Variants in ANKH observed in about 807,000 individuals in gnomAD.
ANKH encodes mineralization regulator ANKH.
Under a neutral mutation model 49.0 loss-of-function variants are expected in ANKH, and 15 were observed. That is an observed-to-expected ratio of 0.31 (90% confidence interval 0.20 to 0.47). The LOEUF (loss-of-function observed/expected upper bound fraction) is 0.47, where lower values mean the gene tolerates loss of function less well. Among genes scored for constraint, ANKH ranks in the 20% least tolerant of loss-of-function variants. The pLI, the probability that ANKH is intolerant of heterozygous loss-of-function variation, is 1.00. For synonymous variants in ANKH, 273 were observed against 260.0 expected (o/e 1.05, Z -0.48); for missense variants, 429 against 652.0 (o/e 0.66, Z 3.72).
chr5:14,828,092 C>G (rs1446296833), intron 1 of ANKH, among the ~76,000 whole-genome samples: 1 of 152,242 alleles, frequency 6.6e-6, no homozygotes, highest in Non-Finnish European at 1.5e-5. Flanking sequence ...GCACTACCAT[C>G]TGCTTTATGC....
Position 14,839,608 on chromosome 5 carries a change from A to G in ANKH, c.96+31744T>C, listed in dbSNP as rs533244143. Among the ~76,000 whole-genome samples the G allele has an allele frequency of 4.7e-4, 71 of 152,224 alleles. 1 individual carries two copies. The highest frequency in any genetic ancestry group is 1.2e-3 in the African/African-American group (49 of 41,526). On this transcript the variant is annotated intron_variant, in intron 1 of 11. Coordinates refer to ENST00000284268, the MANE Select transcript of ANKH (RefSeq NM_054027.6). ...TTTCATGGCTGGCTAGATTTTGATCAGTCTCCAAACTCATGTTACCTTCAG... is the reference window on the plus strand; with the variant it reads ...TTTCATGGCTGGCTAGATTTTGATCGGTCTCCAAACTCATGTTACCTTCAG...
intron 3 of ANKH, among the ~76,000 whole-genome samples, chr5:14,757,438 T>A (rs867049931): frequency 0.018 from 2,209 of 120,170 alleles, 15 homozygotes; most frequent in Non-Finnish European, 0.027. Context: ...ATATTTTTTT[T>A]TTTTTTTTTT....
chr5:14,787,013 G>C (rs1217519061), intron 1 of ANKH, among the ~76,000 whole-genome samples: 1 of 152,208 alleles, frequency 6.6e-6, no homozygotes, highest in Admixed American at 6.5e-5. Flanking sequence ...TACTGAAGTA[G>C]AAAGAGGCCC....
Position 14,713,805 on chromosome 5 carries a change from C to T in ANKH, c.1142-138G>A. The T allele has an allele frequency of 1.6e-6, 2 of 1,250,450 alleles. No homozygotes were observed. The highest frequency in any genetic ancestry group is 2.4e-5 in the East Asian group (1 of 42,280). 77.5% of individuals were successfully genotyped at this position (1,250,450 alleles called of 1,614,324 possible). A position where few individuals can be genotyped will look rare whatever the true frequency, so the allele number is the denominator to read the frequency against. On this transcript the variant is annotated intron_variant, in intron 9 of 11. Coordinates refer to ENST00000284268, the MANE Select transcript of ANKH (RefSeq NM_054027.6). This position sits in a 1 kb window ranked among gnomAD's most constrained non-coding sequence, Gnocchi z 4.4. ...CTTGCTGTTGAGCCGCTGGCCACCT[C>T]ATCTTCCTGCCAGGGTTCCCCATCC... is the stretch of plus-strand genomic sequence containing the variant.
chr5:14,803,364 C>T (rs189043658), intron 1 of ANKH, among the ~76,000 whole-genome samples: 1 of 152,296 alleles, frequency 6.6e-6, no homozygotes, highest in Non-Finnish European at 1.5e-5. Context: ...ACCACAACCT[C>T]CACCTCCTGG....
chr5:14,778,237 C>T (rs1444629112), intron 1 of ANKH, among the ~76,000 whole-genome samples: 3 of 152,200 alleles, frequency 2.0e-5, no homozygotes, highest in Non-Finnish European at 4.4e-5. Flanking sequence ...TGCCTCTCTG[C>T]TCTCCTGTAA....
intron 2 of ANKH, among the ~76,000 whole-genome samples, chr5:14,761,248 G>A (rs149692044): frequency 0.013 from 1,944 of 152,246 alleles, 26 homozygotes; most frequent in African/African-American, 0.038. Context: ...CCATAACTGT[G>A]AAATGCTCAA....
At chr5:14,798,435 A>G in intron 1 of ANKH, 1 of 1,532,662 alleles carries the variant, frequency 6.5e-7, no homozygotes, top group Non-Finnish European at 8.8e-7. Context: ...CCTGGGGTCG[A>G]GCGTTGTGGG....
rs767026934 is a variant in ANKH at position 14,769,195 on chromosome 5, G to A, written c.97-4C>T. 6.2e-7 allele frequency: 1 copy of A among 1,610,296 alleles called. No individual in the cohort carries two copies. The highest frequency in any genetic ancestry group is 1.1e-5 in the South Asian group (1 of 90,516). ...CAGCAATGCCCCGGTTCAAGGCCTG[G>A]GAAGGGGGAAAAAAACCCACAAGCA... On this transcript the variant is annotated splice_region_variant and splice_polypyrimidine_tract_variant and intron_variant, in intron 1 of 11. Transcript: ENST00000284268.
chr5:14,779,484 C>T (rs187569611), intron 1 of ANKH, among the ~76,000 whole-genome samples: 1 of 152,302 alleles, frequency 6.6e-6, no homozygotes, highest in Admixed American at 6.5e-5. Context: ...ACCTGCTTAC[C>T]TGACTGCCCA....
intron 1 of ANKH, among the ~76,000 whole-genome samples, chr5:14,847,838 T>C (rs1742008603): frequency 6.6e-6 from 1 of 152,210 alleles, no homozygotes; most frequent in Non-Finnish European, 1.5e-5. Flanking sequence ...ATTTTAAATT[T>C]GTTTTCAAAG....
intron 8 of ANKH, among the ~76,000 whole-genome samples, chr5:14,726,153 T>A (rs1362212677): frequency 6.6e-6 from 1 of 152,098 alleles, no homozygotes; most frequent in Non-Finnish European, 1.5e-5. Context: ...CACACTGATT[T>A]GATATACTTA....
chr5:14,847,213 A>C (rs1452719035), intron 1 of ANKH, among the ~76,000 whole-genome samples: 1 of 152,158 alleles, frequency 6.6e-6, no homozygotes, highest in Non-Finnish European at 1.5e-5. Flanking sequence ...ATTGGGGAAA[A>C]GAAAGAGAGA....
At chr5:14,854,629 G>A (rs1354130285) in intron 1 of ANKH, among the ~76,000 whole-genome samples, 1 of 152,198 alleles carries the variant, frequency 6.6e-6, no homozygotes, top group Non-Finnish European at 1.5e-5. Flanking sequence ...GCCCAGGAGT[G>A]AGCCATGATG....
chr5:14,748,541 AAG>A (rs1478841509), intron 6 of ANKH, among the ~76,000 whole-genome samples: 1 of 152,250 alleles, frequency 6.6e-6, no homozygotes, highest in Non-Finnish European at 1.5e-5. Flanking sequence ...CCCAACTTGA[AAG>A]AGGGAAAAAT....
intron 1 of ANKH, among the ~76,000 whole-genome samples, chr5:14,837,276 A>G (rs1173390531): frequency 1.3e-5 from 2 of 152,224 alleles, no homozygotes; most frequent in African/African-American, 4.8e-5. Context: ...GACAAATGGG[A>G]TCTAATTAAA....
intron 6 of ANKH, among the ~76,000 whole-genome samples, chr5:14,747,928 T>C (rs571342418): frequency 6.6e-6 from 1 of 152,228 alleles, no homozygotes; most frequent in African/African-American, 2.4e-5. Flanking sequence ...GTAAGAACAA[T>C]AATATCCATC....
intron 1 of ANKH, among the ~76,000 whole-genome samples, chr5:14,771,912 T>A (rs1580055421): frequency 5.1e-5 from 4 of 78,794 alleles, no homozygotes; most frequent in Admixed American, 1.6e-4. Flanking sequence ...AGACTGTGTC[T>A]CAAAAAAAGA....
At chr5:14,821,923 C>T (rs965186307) in intron 1 of ANKH, among the ~76,000 whole-genome samples, 11 of 152,132 alleles carry the variant, frequency 7.2e-5, no homozygotes, top group Non-Finnish European at 7.3e-5. Context: ...TTAAACCCTG[C>T]TATGGAACAG....
Sources: gnomAD v4.1 joint callset for allele counts (sites outside exome capture counted in the v4.1 genomes callset) on GRCh38, gnomAD v4.1.1 for gene constraint, Gnocchi (gnomAD v3.1) non-coding constraint, MANE v1.5 for transcripts, NCBI Gene and HGNC (gene_info 2026-07-23, HGNC 2026-07-21) for gene names.